Variants in FOXP2 observed in about 807,000 individuals in gnomAD.
FOXP2 encodes the protein forkhead box protein P2.
In FOXP2, 12 loss-of-function variants were observed where a neutral mutation model predicts 115.8. The ratio of observed to expected loss-of-function variants is 0.10; its 90% CI spans 0.07 to 0.17. The LOEUF (loss-of-function observed/expected upper bound fraction) is 0.17, where lower values mean the gene tolerates loss of function less well. FOXP2 is among the 10% of genes least tolerant of loss of function. FOXP2 has a pLI of 1.00. For synonymous variants in FOXP2, 328 were observed against 297.7 expected (o/e 1.10, Z -1.05); for missense variants, 629 against 843.5 (o/e 0.75, Z 3.15).
chr7:114,232,078 A>T (rs980713027), intron 1 of FOXP2, among the ~76,000 whole-genome samples: 1 of 152,222 alleles, frequency 6.6e-6, no homozygotes, highest in Non-Finnish European at 1.5e-5. Flanking sequence ...CAAAGAGGAC[A>T]CACAAATGGC....
intron 2 of FOXP2, among the ~76,000 whole-genome samples, chr7:114,440,677 T>C (rs1794559032): frequency 6.6e-6 from 1 of 152,218 alleles, no homozygotes; most frequent in Non-Finnish European, 1.5e-5. Context: ...AAGTAATCCA[T>C]TGGCTGAAAT....
chr7:114,612,337 A>G (rs937774511), intron 3 of FOXP2, among the ~76,000 whole-genome samples: 7 of 152,016 alleles, frequency 4.6e-5, no homozygotes, highest in Non-Finnish European at 7.4e-5. Flanking sequence ...GTCACCCTTC[A>G]TATATTCCAA....
At chr7:114,572,203 A>C (rs1038405790) in intron 3 of FOXP2, among the ~76,000 whole-genome samples, 1 of 151,742 alleles carries the variant, frequency 6.6e-6, no homozygotes, top group Admixed American at 6.6e-5. Flanking sequence ...CAAAAGTGGA[A>C]GCAGCAATAA....
At chr7:114,384,998 A>G (rs12537376) in intron 2 of FOXP2, among the ~76,000 whole-genome samples, 42,384 of 150,750 alleles carry the variant, frequency 0.28, 7,748 homozygotes, top group Non-Finnish European at 0.41. Context: ...AACTATTTCT[A>G]TCTTTTTCTT....
chr7:114,505,660 T>C (rs1218166653), intron 2 of FOXP2, among the ~76,000 whole-genome samples: 1 of 151,480 alleles, frequency 6.6e-6, no homozygotes, highest in East Asian at 1.9e-4. Context: ...ACAACTTCTT[T>C]TGGGGGGGTC....
At chr7:114,371,327 C>G (rs1280761120) in intron 2 of FOXP2, among the ~76,000 whole-genome samples, 2 of 151,118 alleles carry the variant, frequency 1.3e-5, no homozygotes, top group Non-Finnish European at 2.9e-5. Context: ...CTCAAGTGAT[C>G]CTCCTGCCTC....
chr7:114,143,163 A>G (rs1351815038), intron 1 of FOXP2, among the ~76,000 whole-genome samples: 4 of 148,588 alleles, frequency 2.7e-5, no homozygotes, highest in Admixed American at 1.4e-4. Context: ...TAATAATAAT[A>G]ATAATAATAA....
At position 114,495,483 on chromosome 7, in the gene FOXP2, C is replaced by CTTTTTTTTTTTTTTTTTT. The variant is rs35933398; in HGVS notation, c.169-39121_169-39104dup. On this transcript the variant is annotated intron_variant, in intron 2 of 16. Coordinates refer to ENST00000350908, the MANE Select transcript of FOXP2 (RefSeq NM_014491.4). ...TTCTTTGTTTTTTCTTTCTCTCTCTCTTTTTTTTTTTTTTTTTTTTTTTTT... is the reference window on the plus strand; with the variant it reads ...TTCTTTGTTTTTTCTTTCTCTCTCTCTTTTTTTTTTTTTTTTTTTTTTTTTTTTTTTTTTTTTTTTTTT... 4.9e-4 allele frequency among the ~76,000 whole-genome samples: 30 copies of CTTTTTTTTTTTTTTTTTT among 61,462 alleles called. 2 individuals are homozygous for CTTTTTTTTTTTTTTTTTT. The highest frequency in any genetic ancestry group is 6.3e-4 in the Non-Finnish European group (22 of 34,732). The allele number at this position is 61,462 out of a possible 152,430, so 40.3% of individuals were successfully genotyped here.
At chr7:114,580,537 C>T (rs1294755605) in intron 3 of FOXP2, among the ~76,000 whole-genome samples, 1 of 152,134 alleles carries the variant, frequency 6.6e-6, no homozygotes, top group African/African-American at 2.4e-5. Flanking sequence ...GAGATCACAC[C>T]ACCACTGTGC....
At chr7:114,180,595 G>A (rs1055462231) in intron 1 of FOXP2, among the ~76,000 whole-genome samples, 4 of 151,848 alleles carry the variant, frequency 2.6e-5, no homozygotes, top group African/African-American at 9.7e-5. Flanking sequence ...GTCAGCTCCT[G>A]CCCCACATAT....
intron 1 of FOXP2, among the ~76,000 whole-genome samples, chr7:114,089,237 G>A (rs1799494840): frequency 6.6e-6 from 1 of 151,978 alleles, no homozygotes; most frequent in South Asian, 2.1e-4. Context: ...CTAGAAACCT[G>A]ATGAAACATC....
intron 3 of FOXP2, among the ~76,000 whole-genome samples, chr7:114,574,048 C>G (rs1233564356): frequency 6.6e-6 from 1 of 151,640 alleles, no homozygotes; most frequent in Non-Finnish European, 1.5e-5. Flanking sequence ...TTGTACCTCT[C>G]TATTACATTG....
chr7:114,143,684 T>C lies in FOXP2; in HGVS notation c.-246-19260T>C, dbSNP rs563718706. Among the ~76,000 whole-genome samples, 64 of 152,310 alleles carry C rather than the reference T, an allele frequency of 4.2e-4. 2 individuals carry two copies. The South Asian group carries it at 0.013, about 32-fold the overall frequency. On this transcript the variant is annotated intron_variant, in intron 1 of 19. Coordinates refer to the FOXP2 transcript ENST00000635638. ...TCTAAAGCTTCTGTTCACATTCCAT[T>C]GGTAAAGTAATTCACTCAGCCTCAC...
intron 2 of FOXP2, among the ~76,000 whole-genome samples, chr7:114,517,160 G>A (rs150857430): frequency 2.0e-5 from 3 of 151,926 alleles, no homozygotes; most frequent in East Asian, 1.9e-4. Context: ...TTTGTAAAAT[G>A]TCTATTCAGT....
At chr7:114,278,612 C>G (rs531861172) in intron 1 of FOXP2, among the ~76,000 whole-genome samples, 1 of 152,202 alleles carries the variant, frequency 6.6e-6, no homozygotes, top group African/African-American at 2.4e-5. Context: ...CCTCGGCTTC[C>G]CAAAGTGCTA....
At chr7:114,388,394 C>CT (rs753810702) in intron 2 of FOXP2, among the ~76,000 whole-genome samples, 100 of 104,888 alleles carry the variant, frequency 9.5e-4, no homozygotes, top group African/African-American at 1.4e-3. Flanking sequence ...GAACTTATCT[C>CT]TTTTTTTTTT....
chr7:114,179,480 C>T (rs1793402361), intron 1 of FOXP2, among the ~76,000 whole-genome samples: 1 of 151,894 alleles, frequency 6.6e-6, no homozygotes, highest in Non-Finnish European at 1.5e-5. Flanking sequence ...CTTGTTCAAG[C>T]CTGTGTTTTC....
At chr7:114,540,949 G>A (rs147147068) in intron 3 of FOXP2, among the ~76,000 whole-genome samples, 1 of 152,168 alleles carries the variant, frequency 6.6e-6, no homozygotes, top group East Asian at 1.9e-4. Flanking sequence ...TATAGATTGG[G>A]TAGAAGGGGC....
At chr7:114,599,738 C>CT (rs1347938617) in intron 3 of FOXP2, among the ~76,000 whole-genome samples, 1 of 151,824 alleles carries the variant, frequency 6.6e-6, no homozygotes, top group East Asian at 1.9e-4. Flanking sequence ...TTATTTCTGT[C>CT]TTTTTTTAAA....
Sources: gnomAD v4.1 joint callset for allele counts (sites outside exome capture counted in the v4.1 genomes callset) on GRCh38, gnomAD v4.1.1 for gene constraint, MANE v1.5 for transcripts, NCBI Gene and HGNC (gene_info 2026-07-23, HGNC 2026-07-21) for gene names.